ENO4: variants seen among roughly 807,000 people sequenced by gnomAD.
ENO4 encodes enolase 4, also known as 2-phospho-D-glycerate hydro-lyase.
ENO4 carries 53 observed loss-of-function variants against 63.2 expected under a neutral mutation model. The ratio of observed to expected loss-of-function variants is 0.84; its 90% CI spans 0.67 to 1.05. The LOEUF (loss-of-function observed/expected upper bound fraction) is 1.05, where lower values mean the gene tolerates loss of function less well. ENO4 is among the 50% of genes least tolerant of loss of function. The probability of loss-of-function intolerance (pLI) is 0.00; values close to 1 mark genes in which losing one functional copy is unlikely to be tolerated. For synonymous variants in ENO4, 266 were observed against 283.8 expected, an observed-to-expected ratio of 0.94 and a Z score of 0.63; for missense variants, 719 against 772.0, an observed-to-expected ratio of 0.93 and a Z score of 0.81.
At chr10:116,902,087 T>C (rs1379822380) in intron 10 of ENO4, 1 of 768,544 alleles carries the variant, frequency 1.3e-6, no homozygotes, top group African/African-American at 1.8e-5. Flanking sequence ...TTCAAGAGCA[T>C]GCTGGAAAAT....
At chr10:116,884,748 G>A (rs1380462094), downstream of ENO4, 1 of 155,956 alleles carries the variant, frequency 6.4e-6, no homozygotes, top group Non-Finnish European at 1.4e-5. Context: ...AGAATGTCAA[G>A]CTTGGGGAAC....
At chr10:116,890,277 G>T (rs140738193) in intron 10 of ENO4, among the ~76,000 whole-genome samples, 1 of 152,270 alleles carries the variant, frequency 6.6e-6, no homozygotes, top group African/African-American at 2.4e-5. Flanking sequence ...CACAAAATCT[G>T]CAAGTAAAAC....
chr10:116,878,791 T>TGC, intron 11 of ENO4, among the ~76,000 whole-genome samples: 1 of 136,870 alleles, frequency 7.3e-6, no homozygotes, highest in Middle Eastern at 4.8e-3. Context: ...CGCCCAGAGC[T>TGC]GGAGTGCAGT....
At chr10:116,906,178 C>T (rs1390799703) in intron 10 of ENO4, among the ~76,000 whole-genome samples, 6 of 152,236 alleles carry the variant, frequency 3.9e-5, no homozygotes, top group Admixed American at 3.9e-4. Context: ...TAGAATTATC[C>T]TATGAAGCAG....
At chr10:116,864,849 G>T (rs944813016) in intron 7 of ENO4, among the ~76,000 whole-genome samples, 2 of 152,032 alleles carry the variant, frequency 1.3e-5, no homozygotes, top group Non-Finnish European at 1.5e-5. Flanking sequence ...TCAAAACCCC[G>T]TCTCTACTAA....
chr10:116,887,266 C>A (rs905303890), downstream of ENO4, among the ~76,000 whole-genome samples: 12 of 152,206 alleles, frequency 7.9e-5, no homozygotes, highest in Admixed American at 5.9e-4. Flanking sequence ...TCTCTCGTCT[C>A]TTCTGCTGCA....
At chr10:116,867,232 A>G (rs1176501198) in intron 7 of ENO4, among the ~76,000 whole-genome samples, 1 of 151,748 alleles carries the variant, frequency 6.6e-6, no homozygotes, top group Non-Finnish European at 1.5e-5. Flanking sequence ...GGCATAACTC[A>G]CTCTCCCTAG....
At chr10:116,849,987 G>A (rs903017248) in intron 1 of ENO4, 8 of 664,516 alleles carry the variant, frequency 1.2e-5, no homozygotes, top group Admixed American at 2.2e-5. Flanking sequence ...TTGACCTGCA[G>A]CGGCAGCCCA....
At chr10:116,886,186 G>A (rs1847157109), downstream of ENO4, 2 of 1,040,924 alleles carry the variant, frequency 1.9e-6, no homozygotes, top group Admixed American at 5.7e-5. Context: ...GCTTACTTAT[G>A]TTTATAGTTG....
chr10:116,855,242 G>A (rs1232164036), intron 1 of ENO4, among the ~76,000 whole-genome samples: 2 of 151,986 alleles, frequency 1.3e-5, no homozygotes, highest in Admixed American at 6.6e-5. Context: ...GCAGTGAGCC[G>A]AGATCACACC....
intron 9 of ENO4, chr10:116,873,865 G>A (rs576364998): frequency 2.0e-6 from 2 of 984,780 alleles, no homozygotes; most frequent in Admixed American, 6.2e-5. Flanking sequence ...AACCCTAGAG[G>A]GCATCAAAAG....
rs79002897 is a variant in ENO4 at position 116,865,495 on chromosome 10, A to G, written c.990+2643A>G. Among the ~76,000 whole-genome samples, 1,201 of 152,276 alleles carry G rather than the reference A, an allele frequency of 7.9e-3. 10 individuals carry two copies. Among genetic ancestry groups the G allele is most frequent in the Middle Eastern group, 0.058 (17 of 294 alleles). ...CCACCACGGCCAGCCAATTCTTTATATACGGTAGACCTATTTTCCTGTATC... is the reference window on the plus strand; with the variant it reads ...CCACCACGGCCAGCCAATTCTTTATGTACGGTAGACCTATTTTCCTGTATC... On this transcript the variant is annotated intron_variant, in intron 7 of 13. Coordinates refer to ENST00000341276, the MANE Select transcript of ENO4 (RefSeq NM_001242699.2).
At chr10:116,861,262 G>A (rs909007366) in intron 6 of ENO4, 72 bp downstream of exon 6, 60 of 396,526 alleles carry the variant, frequency 1.5e-4, no homozygotes, top group East Asian at 9.1e-4. Flanking sequence ...TATATACTCC[G>A]TCATTGATGA....
At chr10:116,890,018 A>G (rs1048103374) in intron 10 of ENO4, among the ~76,000 whole-genome samples, 7 of 152,124 alleles carry the variant, frequency 4.6e-5, no homozygotes, top group African/African-American at 1.7e-4. Flanking sequence ...CGCATCAGTG[A>G]TGGTGCCAAG....
chr10:116,849,742 G>C lies in ENO4; in HGVS notation c.165+11G>C. Reference sequence around the variant, plus strand: ...GTCTACGGGCACCTGGTAGGGACCTGGGACAAGCGCTCTCCTCCCGCCAAC... The same window carrying C: ...GTCTACGGGCACCTGGTAGGGACCTCGGACAAGCGCTCTCCTCCCGCCAAC... On this transcript the variant is annotated intron_variant, in intron 1 of 13. Coordinates refer to ENST00000341276, the MANE Select transcript of ENO4 (RefSeq NM_001242699.2). 1 of 1,503,344 alleles carries C rather than the reference G, an allele frequency of 6.7e-7. No homozygotes were observed. The highest frequency in any genetic ancestry group is 1.3e-5 in the South Asian group (1 of 76,832). The allele number at this position is 1,503,344 out of a possible 1,614,324, so 93.1% of individuals were successfully genotyped here.
chr10:116,901,948 C>T (rs919142769), intron 10 of ENO4: 3 of 1,595,630 alleles, frequency 1.9e-6, no homozygotes, highest in Non-Finnish European at 2.6e-6. Flanking sequence ...GGCTAATATC[C>T]CAGTTGGACC....
chr10:116,872,790 C>T (rs1028967326), intron 9 of ENO4, among the ~76,000 whole-genome samples: 2 of 152,100 alleles, frequency 1.3e-5, no homozygotes, highest in Admixed American at 6.6e-5. Context: ...GGGACATGAC[C>T]AAATAGCATT....
chr10:116,908,339 CTTATT>C (rs1310309408), intron 10 of ENO4, among the ~76,000 whole-genome samples: 6 of 152,062 alleles, frequency 3.9e-5, no homozygotes, highest in Admixed American at 6.6e-5. Context: ...ACTATAATGG[CTTATT>C]TTATCATTAA....
intron 10 of ENO4, among the ~76,000 whole-genome samples, chr10:116,896,912 T>C (rs1459170158): frequency 6.6e-6 from 1 of 151,040 alleles, no homozygotes. Context: ...GTTCAAGCAA[T>C]TCTCCTGCCT....
Sources: allele counts gnomAD v4.1 joint callset (sites outside exome capture counted in the v4.1 genomes callset), GRCh38; gene constraint gnomAD v4.1.1; transcripts MANE v1.5; gene names NCBI Gene and HGNC (gene_info 2026-07-23, HGNC 2026-07-21).